The following SEC31A variants were observed in gnomAD, a reference collection of about 807,000 sequenced individuals.
The protein encoded by SEC31A is protein transport protein Sec31A.
SEC31A carries 70 observed loss-of-function variants against 151.0 expected under a neutral mutation model. The observed-to-expected ratio is 0.46, with a 90% confidence interval of 0.38 to 0.57. The LOEUF (loss-of-function observed/expected upper bound fraction) is 0.57, where lower values mean the gene tolerates loss of function less well. Ranked by LOEUF, SEC31A falls within the 20% of genes least tolerant of loss-of-function variation. SEC31A has a pLI of 0.00. For synonymous variants in SEC31A, 475 were observed against 505.9 expected, an observed-to-expected ratio of 0.94 and a Z score of 0.82; for missense variants, 1,330 against 1,471.2, an observed-to-expected ratio of 0.90 and a Z score of 1.57.
rs1578253703 is a variant in SEC31A at position 82,857,062 on chromosome 4, G to A, written c.1771C>T (p.His591Tyr). 1.2e-6 allele frequency: 2 copies of A among 1,614,038 alleles called. No individual in the cohort carries two copies. Among genetic ancestry groups the A allele is most frequent in the Non-Finnish European group, 1.7e-6 (2 of 1,179,996 alleles). The change falls in exon 16 of 27, where the codon CAT (histidine) becomes TAT (tyrosine). Residue 591 changes from histidine (H) to tyrosine (Y), a missense_variant. By Grantham distance (83) the His-to-Tyr change is moderately conservative. Transcript: ENST00000395310. The stretch of plus-strand genomic sequence containing the variant: ...ATGGCATCGGCCATGCGGTTATCAT[G>A]TAAACAAAGGTCAACAGCACTCTCA... Reference protein sequence around the residue: ...NFESAVDLCLHDNRMADAIIL... With the variant: ...NFESAVDLCLYDNRMADAIIL...
At chr4:82,835,832 G>A (rs1397349388) in intron 22 of SEC31A, among the ~76,000 whole-genome samples, 2 of 152,072 alleles carry the variant, frequency 1.3e-5, no homozygotes, top group African/African-American at 4.8e-5. Flanking sequence ...GTATGTGTGT[G>A]TTTGTGTTAT....
chr4:82,837,160 T>TAC (rs1727512322), intron 22 of SEC31A, among the ~76,000 whole-genome samples: 1 of 30,052 alleles, frequency 3.3e-5, no homozygotes, highest in Non-Finnish European at 1.1e-4. Flanking sequence ...AATTTTATCA[T>TAC]ATATATATAT....
At chr4:82,867,974 G>C (rs369232819) in intron 8 of SEC31A, among the ~76,000 whole-genome samples, 11 of 152,188 alleles carry the variant, frequency 7.2e-5, no homozygotes, top group East Asian at 5.8e-4. Flanking sequence ...GTGATGTCCT[G>C]TCCAATTGTT....
chr4:82,896,133 A>C (rs536574632), upstream of SEC31A, among the ~76,000 whole-genome samples: 1 of 152,394 alleles, frequency 6.6e-6, no homozygotes, highest in East Asian at 1.9e-4. Context: ...GTAGGTGTTC[A>C]ACAAGTGAAA....
At chr4:82,891,167 C>T, upstream of SEC31A, 2 of 1,535,580 alleles carry the variant, frequency 1.3e-6, no homozygotes, top group Middle Eastern at 1.7e-4. Flanking sequence ...GCCGCCCCTC[C>T]TCCCCGGCCA....
rs768372403 is a variant in SEC31A, at chr4:82,842,427, C to T, written c.2681G>A (p.Arg894Gln). The T allele has an allele frequency of 1.9e-6, 3 of 1,613,780 alleles. No homozygotes were observed. Among genetic ancestry groups the T allele is most frequent in the East Asian group, 2.2e-5 (1 of 44,870 alleles). ...PFGTGGSAMY[R>Q]PQQPVAPPTS... ...AGGAGGAGCAACAGGCTGCTGAGGTCGATACATTGCTGACCCCCCTGTTCC... is the reference window on the plus strand; with the variant it reads ...AGGAGGAGCAACAGGCTGCTGAGGTTGATACATTGCTGACCCCCCTGTTCC... Residue 894 changes from arginine (R) to glutamine (Q), a missense_variant, in exon 22 of 27, where the codon CGA becomes CAA. Physicochemically the swap from Arg to Gln is conservative, Grantham distance 43. Transcript: ENST00000395310.
chr4:82,836,394 A>G (rs1322655415), intron 22 of SEC31A, among the ~76,000 whole-genome samples: 1 of 147,988 alleles, frequency 6.8e-6, no homozygotes, highest in Non-Finnish European at 1.5e-5. Flanking sequence ...AAAAAAAAAG[A>G]AAAAGAATTA....
chr4:82,892,286 T>A (rs1719845187), upstream of SEC31A, among the ~76,000 whole-genome samples: 2 of 152,344 alleles, frequency 1.3e-5, no homozygotes, highest in South Asian at 4.1e-4. Context: ...TTTTGATTAG[T>A]CTTCAATTCA....
intron 1 of SEC31A, among the ~76,000 whole-genome samples, chr4:82,883,914 T>C (rs971444556): frequency 6.6e-6 from 1 of 151,818 alleles, no homozygotes; most frequent in African/African-American, 2.4e-5. Flanking sequence ...TGTATGACTA[T>C]GGGTAAACAT....
intron 22 of SEC31A, among the ~76,000 whole-genome samples, chr4:82,837,191 ATATATATAATT>A (rs1340151064): frequency 5.5e-5 from 3 of 54,644 alleles, no homozygotes; most frequent in Admixed American, 5.7e-4. Context: ...ATATATATAT[ATATATATAATT>A]TCACCACAAT....
In SEC31A at chr4:82,853,722, G is replaced by A. The variant is rs1731934693; in HGVS notation, c.2009-7C>T. 6.3e-7 allele frequency: 1 copy of A among 1,596,992 alleles called. No homozygotes were observed. The highest frequency in any genetic ancestry group is 8.5e-7 in the Non-Finnish European group (1 of 1,174,988). ...AGCCTGGTTCCCAAAAGATCTGTAAGTAAGAGGAAAATAAAATAAGATTAT... is the reference window on the plus strand; with the variant it reads ...AGCCTGGTTCCCAAAAGATCTGTAAATAAGAGGAAAATAAAATAAGATTAT... On this transcript the variant is annotated splice_region_variant and splice_polypyrimidine_tract_variant and intron_variant, in intron 17 of 26. Coordinates refer to ENST00000395310, the MANE Select transcript of SEC31A (RefSeq NM_001077207.4).
rs1322337148 is a variant in SEC31A, at chr4:82,857,771, A to T, written c.1627-7T>A. 1 of 1,552,952 alleles carries T rather than the reference A, an allele frequency of 6.4e-7. No homozygotes were observed. ...CTTTTTCCTCTTTAATGTGCTAAAG[A>T]GATGAAAAAAGCAACAATTTAGCCA... On this transcript the variant is annotated splice_polypyrimidine_tract_variant and splice_region_variant and intron_variant, in intron 14 of 26. Transcript: ENST00000395310.
At chr4:82,874,868 T>C (rs1737556844) in intron 5 of SEC31A, 117 bp from the exon 6 acceptor site, 3 of 1,259,136 alleles carry the variant, frequency 2.4e-6, no homozygotes, top group African/African-American at 1.5e-5. Context: ...GATCCATTTA[T>C]GCCACAAATT....
chr4:82,871,998 A>G lies in SEC31A; in HGVS notation c.728T>C (p.Met243Thr), dbSNP rs1042632893. ...AGAGGAAGCAAATCGAAGATCCCAC[A>G]TCTGGATCACTGGTAACCGGTCATC... is the stretch of plus-strand genomic sequence containing the variant. ...SEDDRLPVIQ[M>T]WDLRFASSPL... The change falls in exon 7 of 27, where the codon ATG becomes ACG. Residue 243 changes from methionine to threonine, a missense_variant. Coordinates refer to ENST00000395310, the MANE Select transcript of SEC31A (RefSeq NM_001077207.4). The G allele has an allele frequency of 1.9e-6, 3 of 1,614,018 alleles. No individual in the cohort carries two copies. The highest frequency in any genetic ancestry group is 2.5e-6 in the Non-Finnish European group (3 of 1,179,900).
rs372603307 is a variant in SEC31A at position 82,881,813 on chromosome 4, G to A, written c.79+45C>T. On this transcript the variant is annotated intron_variant, in intron 2 of 26. Coordinates refer to ENST00000395310, the MANE Select transcript of SEC31A (RefSeq NM_001077207.4). Reference sequence around the variant, plus strand: ...AACTGAATAAGCTAGGTGCAGAAGAGAAGAAATTAGGTAACTCATACTATC... The same window carrying A: ...AACTGAATAAGCTAGGTGCAGAAGAAAAGAAATTAGGTAACTCATACTATC... 4 of 1,439,044 alleles carry A rather than the reference G, an allele frequency of 2.8e-6. No homozygotes were observed. The African/African-American group carries it at 5.6e-5, about 20-fold the overall frequency. 89.1% of individuals were successfully genotyped at this position (1,439,044 alleles called of 1,614,324 possible).
chr4:82,833,383 C>A (rs1232020351), intron 22 of SEC31A, among the ~76,000 whole-genome samples: 1 of 152,012 alleles, frequency 6.6e-6, no homozygotes, highest in African/African-American at 2.4e-5. Flanking sequence ...GGGAGGGGAA[C>A]ATCACACACT....
At chr4:82,850,508 C>T (rs1446425578) in intron 19 of SEC31A, among the ~76,000 whole-genome samples, 1 of 151,688 alleles carries the variant, frequency 6.6e-6, no homozygotes, top group Non-Finnish European at 1.5e-5. Context: ...CTAAAACAGA[C>T]AAAATACTAG....
At chr4:82,853,032 A>G (rs78861195) in intron 18 of SEC31A, among the ~76,000 whole-genome samples, 4,331 of 152,300 alleles carry the variant, frequency 0.028, 206 homozygotes, top group African/African-American at 0.099. Flanking sequence ...AGCTCAGGCA[A>G]TAATGCTCGT....
upstream of SEC31A, chr4:82,895,407 T>C (rs1186453573): frequency 6.6e-6 from 1 of 152,208 alleles, no homozygotes; most frequent in Non-Finnish European, 1.5e-5. Context: ...GAGGCAGAGA[T>C]TGCAGTGAGC....
Sources: gnomAD v4.1 joint callset for allele counts (sites outside exome capture counted in the v4.1 genomes callset) on GRCh38, gnomAD v4.1.1 for gene constraint, MANE v1.5 for transcripts, NCBI Gene and HGNC (gene_info 2026-07-23, HGNC 2026-07-21) for gene names.